The following KANK1 variants were observed in gnomAD, a reference collection of about 807,000 sequenced individuals.
KANK1 encodes KN motif and ankyrin repeat domain-containing protein 1.
A neutral mutation model predicts 106.2 loss-of-function variants in KANK1; 109 were observed. That is an observed-to-expected ratio of 1.03 (90% CI 0.88 to 1.20). The LOEUF is 1.20. KANK1 is among the 50% of genes most tolerant of loss of function. The pLI, the probability that KANK1 is intolerant of heterozygous loss-of-function variation, is 0.00. For missense variants in KANK1, 2,399 were observed against 1,710.7 expected (o/e 1.40, Z -7.10); for synonymous variants, 873 against 652.2 (o/e 1.34, Z -5.16).
chr9:521,994 C>G (rs748019155), intron 1 of KANK1, among the ~76,000 whole-genome samples: 9 of 151,562 alleles, frequency 5.9e-5, no homozygotes, highest in Non-Finnish European at 1.3e-4. Context: ...CTCAGTGGCC[C>G]TTTTTTGGAG....
chr9:471,999 G>C (rs1228204167), intron 2 of KANK1, among the ~76,000 whole-genome samples: 1 of 152,102 alleles, frequency 6.6e-6, no homozygotes, highest in Non-Finnish European at 1.5e-5. Flanking sequence ...TTCAATTAAA[G>C]AGATATACCC....
intron 3 of KANK1, among the ~76,000 whole-genome samples, chr9:497,088 A>C (rs2058468439): frequency 6.6e-6 from 1 of 152,216 alleles, no homozygotes; most frequent in Non-Finnish European, 1.5e-5. Flanking sequence ...AAAATAACTA[A>C]AGCAAATGAA....
At chr9:547,519 G>A (rs993842127) in intron 1 of KANK1, among the ~76,000 whole-genome samples, 2 of 145,812 alleles carry the variant, frequency 1.4e-5, no homozygotes, top group East Asian at 3.8e-4. Context: ...TAAAGATGGT[G>A]ATGGGGAGAC....
chr9:595,134 C>T (rs1825894303), intron 1 of KANK1, among the ~76,000 whole-genome samples: 1 of 151,766 alleles, frequency 6.6e-6, no homozygotes, highest in South Asian at 2.1e-4. Flanking sequence ...GCAACGATGG[C>T]CCGGCATGGT....
chr9:622,305 G>A (rs2136433330), intron 1 of KANK1, among the ~76,000 whole-genome samples: 1 of 152,260 alleles, frequency 6.6e-6, no homozygotes, highest in Middle Eastern at 3.4e-3. Flanking sequence ...GTGTGTTGGG[G>A]CACTGCTCTA....
chr9:518,754 TG>T (rs2059412474), intron 1 of KANK1, among the ~76,000 whole-genome samples: 1 of 151,486 alleles, frequency 6.6e-6, no homozygotes, highest in African/African-American at 2.4e-5. Context: ...GCGGTGACCC[TG>T]TATGACATAC....
intron 1 of KANK1, among the ~76,000 whole-genome samples, chr9:623,921 T>C (rs1833772338): frequency 6.6e-6 from 1 of 152,144 alleles, no homozygotes; most frequent in African/African-American, 2.4e-5. Context: ...AAGAGATATC[T>C]TCACTTCCAT....
intron 2 of KANK1, among the ~76,000 whole-genome samples, chr9:702,100 G>A (rs951354918): frequency 1.3e-5 from 2 of 152,168 alleles, no homozygotes; most frequent in African/African-American, 4.8e-5. Context: ...TCTGAACTTG[G>A]AGAGTTTTCT....
rs1218040703 is a variant in KANK1, at chr9:745,317, A to T, written c.*82A>T. 11 of 1,553,328 alleles carry T rather than the reference A, an allele frequency of 7.1e-6. No homozygotes were observed. Among genetic ancestry groups the T allele is most frequent in the African/African-American group, 1.4e-5 (1 of 73,690 alleles). ...TTGGGGTGACAGATACTGAATGTAT[A>T]CGTATTGTGCCTGAGCTCACCAGCA... On this transcript the variant is annotated 3_prime_UTR_variant, in exon 12 of 12. Coordinates refer to ENST00000382297, the MANE Select transcript of KANK1 (RefSeq NM_015158.5).
chr9:568,760 G>A (rs1308223331), intron 1 of KANK1, among the ~76,000 whole-genome samples: 1 of 152,146 alleles, frequency 6.6e-6, no homozygotes, highest in Non-Finnish European at 1.5e-5. Context: ...GGGATTACAG[G>A]TGTGAGCCAC....
chr9:558,701 A>G (rs1191985720), intron 1 of KANK1: 1 of 151,756 alleles, frequency 6.6e-6, no homozygotes, highest in African/African-American at 2.4e-5. Context: ...GAAAAAAAAA[A>G]GCCCTAAAAA....
intron 1 of KANK1, among the ~76,000 whole-genome samples, chr9:675,866 G>C (rs1816308768): frequency 6.6e-6 from 1 of 152,174 alleles, no homozygotes; most frequent in Non-Finnish European, 1.5e-5. Context: ...TGCTAAACAA[G>C]AGGTGGATTA....
rs565523396 is a variant in KANK1 at position 730,093 on chromosome 9, C to T, written c.2741C>T (p.Ser914Leu). ...GYTCKCGGLQ[S>L]GSPLSSQTSQ... ...ACCTGTAAGTGTGGGGGCCTTCAGT[C>T]AGGAAGTCCCTTAAGCTCCCAGACA... The change falls in exon 4 of 12, where the codon TCA becomes TTA. Residue 914 changes from serine to leucine, a missense_variant. Coordinates refer to ENST00000382297, the MANE Select transcript of KANK1 (RefSeq NM_015158.5). 1.2e-5 allele frequency: 20 copies of T among 1,614,162 alleles called. No homozygotes were observed. The African/African-American group carries it at 1.7e-4, about 14-fold the overall frequency.
chr9:713,726 T>C (rs752678630), intron 3 of KANK1, among the ~76,000 whole-genome samples: 1 of 152,112 alleles, frequency 6.6e-6, no homozygotes, highest in African/African-American at 2.4e-5. Context: ...GGCCTAGAGG[T>C]TGTCTTCTGG....
In KANK1 at chr9:742,231, G is replaced by T. The variant is rs376387512; in HGVS notation, c.3723G>T (p.Ala1241=). 1.2e-6 allele frequency: 2 copies of T among 1,614,090 alleles called. No homozygotes were observed. The highest frequency in any genetic ancestry group is 3.3e-5 in the Admixed American group (2 of 60,016). The change falls in exon 10 of 12, where the codon GCG becomes GCT. Residue 1241 remains alanine (A), a synonymous_variant. Coordinates refer to ENST00000382297, the MANE Select transcript of KANK1 (RefSeq NM_015158.5). The part of the protein sequence containing the change: ...SQAGQTALML[A]VSHGRIDMVK... The stretch of plus-strand genomic sequence containing the variant: ...CGGGACAGACGGCCCTCATGCTGGC[G>T]GTCAGTCACGGACGGATAGACATGG...
At chr9:693,408 C>T (rs1464239294) in intron 2 of KANK1, 8 of 985,220 alleles carry the variant, frequency 8.1e-6, no homozygotes, top group Non-Finnish European at 9.6e-6. Flanking sequence ...TGCTGCCTTT[C>T]TGATTTCTTC....
Position 740,843 on chromosome 9 carries a change from TGGC to T in KANK1, c.3609_3611del (p.Ala1204del), listed in dbSNP as rs759773499. On this transcript the variant is annotated inframe_deletion, in exon 9 of 12. Transcript: ENST00000382297. Reference sequence around the variant, plus strand: ...AAGGCAGGCTACACCCCCATCATGTTGGCGGCCCTCGCCGCTGTGGAAGCAGAG... The same window carrying T: ...AAGGCAGGCTACACCCCCATCATGTTGGCCCTCGCCGCTGTGGAAGCAGAG... 2 of 1,614,126 alleles carry T rather than the reference TGGC, an allele frequency of 1.2e-6. No homozygotes were observed. Among genetic ancestry groups the T allele is most frequent in the South Asian group, 2.2e-5 (2 of 91,082 alleles).
At position 730,249 on chromosome 9, in the gene KANK1, G is replaced by A; in HGVS notation, c.2896+1G>A. The A allele has an allele frequency of 1.1e-5, 18 of 1,614,150 alleles. No individual in the cohort carries two copies. The highest frequency in any genetic ancestry group is 1.5e-5 in the Non-Finnish European group (18 of 1,180,004). ...GACCAGATCGCCGCTGGCCTCTATGGTAACTTTTCTCACTCACAGTCATTG... is the reference window on the plus strand; with the variant it reads ...GACCAGATCGCCGCTGGCCTCTATGATAACTTTTCTCACTCACAGTCATTG... On this transcript the variant is annotated splice_donor_variant, in intron 4 of 11. Transcript: ENST00000382297. LOFTEE classifies it high-confidence loss of function.
At chr9:504,132 G>A (rs911703073), upstream of KANK1, among the ~76,000 whole-genome samples, 5 of 152,154 alleles carry the variant, frequency 3.3e-5, no homozygotes, top group African/African-American at 1.2e-4. Context: ...AGGTACAGAG[G>A]CGCTGGGGGA....
Sources: gnomAD v4.1 joint callset for allele counts (sites outside exome capture counted in the v4.1 genomes callset) on GRCh38, gnomAD v4.1.1 for gene constraint, MANE v1.5 for transcripts, NCBI Gene and HGNC (gene_info 2026-07-23, HGNC 2026-07-21) for gene names.